Variants in ATP13A5 observed in about 807,000 individuals in gnomAD.
ATP13A5 encodes ATPase 13A5.
ATP13A5 carries 149 observed loss-of-function variants against 150.2 expected under a neutral mutation model. The observed-to-expected ratio is 0.99, with a 90% CI of 0.87 to 1.14. The LOEUF is 1.14. Among genes scored for constraint, ATP13A5 ranks in the 50% most tolerant of loss-of-function variants. The pLI, the probability that ATP13A5 is intolerant of heterozygous loss-of-function variation, is 0.00. For missense variants in ATP13A5, 1,383 were observed against 1,449.3 expected (o/e 0.95, Z 0.74); for synonymous variants, 497 against 522.2 (o/e 0.95, Z 0.66).
In ATP13A5 at chr3:193,363,291, A is replaced by G; in HGVS notation, c.329T>C (p.Leu110Pro). ...FPVSKKWEESLVADRHSVINQ... is the reference protein window; with the variant it reads ...FPVSKKWEESPVADRHSVINQ... ...TATGACAGAGTGGCGGTCAGCCACC[A>G]GGGATTCTTCCCACTTCTTGCTTAC... The change falls in exon 3 of 30, where the codon CTG becomes CCG. Residue 110 changes from leucine to proline, a missense_variant. Transcript: ENST00000342358. The G allele has an allele frequency of 6.2e-7, 1 of 1,614,002 alleles. No homozygotes were observed. The highest frequency in any genetic ancestry group is 1.1e-5 in the South Asian group (1 of 91,074).
chr3:193,318,988 T>C lies in ATP13A5; in HGVS notation c.2033+3A>G, dbSNP rs1200949124. 3 of 1,609,514 alleles carry C rather than the reference T, an allele frequency of 1.9e-6. No homozygotes were observed. The highest frequency in any genetic ancestry group is 2.6e-6 in the Non-Finnish European group (3 of 1,175,928). On this transcript the variant is annotated splice_donor_region_variant and intron_variant, in intron 17 of 29. Transcript: ENST00000342358. The stretch of plus-strand genomic sequence containing the variant: ...CTCTAGTGCCAATTTCTGAATTGCT[T>C]ACCTGGCTAAGTGCTCGACTTCTGA...
chr3:193,324,156 A>G (rs1286860012), intron 14 of ATP13A5: 1 of 152,078 alleles, frequency 6.6e-6, no homozygotes, highest in Non-Finnish European at 1.5e-5. Flanking sequence ...AGAGTGGTGA[A>G]ATGCAGAGGG....
chr3:193,284,391 AG>A (rs888950775), intron 27 of ATP13A5, among the ~76,000 whole-genome samples: 59 of 152,260 alleles, frequency 3.9e-4, no homozygotes, highest in African/African-American at 1.4e-3. Context: ...ATTAATACAC[AG>A]GGAAAGTAAG....
intron 23 of ATP13A5, among the ~76,000 whole-genome samples, chr3:193,304,632 T>C (rs926947677): frequency 6.6e-6 from 1 of 152,224 alleles, no homozygotes; most frequent in Non-Finnish European, 1.5e-5. Context: ...TAAAACTGGG[T>C]GTTTTGTTCT....
At chr3:193,375,219 G>A (rs915972307) in intron 1 of ATP13A5, among the ~76,000 whole-genome samples, 23 of 152,144 alleles carry the variant, frequency 1.5e-4, no homozygotes, top group Admixed American at 1.4e-3. Flanking sequence ...CAGAAGATAT[G>A]TTTAGAAAAG....
At position 193,362,813 on chromosome 3, in the gene ATP13A5, C is replaced by CTTTCTTTCTTTCTTTG. The variant is rs59105884; in HGVS notation, c.385-177_385-176insCAAAGAAAGAAAGAAA. ...TCTTTCTTTCTTTCTTTCTTTCTTTCAGACAGGGTCTCACTCTGTCACCCA... is the reference window on the plus strand; with the variant it reads ...TCTTTCTTTCTTTCTTTCTTTCTTTCTTTCTTTCTTTCTTTGAGACAGGGTCTCACTCTGTCACCCA... On this transcript the variant is annotated intron_variant, in intron 3 of 29. Coordinates refer to ENST00000342358, the MANE Select transcript of ATP13A5 (RefSeq NM_198505.4). Among the ~76,000 whole-genome samples, 307 of 112,066 alleles carry CTTTCTTTCTTTCTTTG rather than the reference C, an allele frequency of 2.7e-3. 49 individuals carry two copies. The highest frequency in any genetic ancestry group is 8.3e-3 in the African/African-American group (255 of 30,808). 73.5% of individuals were successfully genotyped at this position (112,066 alleles called of 152,430 possible). A position where few individuals can be genotyped will look rare whatever the true frequency, so the allele number is the denominator to read the frequency against.
intron 27 of ATP13A5, among the ~76,000 whole-genome samples, chr3:193,283,578 GT>G (rs558053896): frequency 1.4e-3 from 208 of 152,182 alleles, no homozygotes; most frequent in Non-Finnish European, 2.1e-3. Context: ...CACAAATTTT[GT>G]TTTTTAACTA....
intron 1 of ATP13A5, among the ~76,000 whole-genome samples, chr3:193,377,441 A>G (rs769119374): frequency 1.3e-5 from 2 of 152,232 alleles, no homozygotes; most frequent in Admixed American, 6.5e-5. Flanking sequence ...CAATGTGTAA[A>G]CAATATAAAA....
At chr3:193,362,791 T>TTCTC (rs1360581870) in intron 3 of ATP13A5, among the ~76,000 whole-genome samples, 154 bp from the exon 4 acceptor site, 16 of 76,288 alleles carry the variant, frequency 2.1e-4, no homozygotes, top group African/African-American at 6.5e-4. Context: ...CTTTCTTTCT[T>TTCTC]TCTTTCTTTC....
chr3:193,314,189 A>G lies in ATP13A5; in HGVS notation c.2163T>C (p.Asp721=). 1 of 1,613,646 alleles carries G rather than the reference A, an allele frequency of 6.2e-7. No homozygotes were observed. The highest frequency in any genetic ancestry group is 1.3e-5 in the African/African-American group (1 of 75,036). Residue 721 remains aspartate (D), a synonymous_variant, in exon 19 of 30, where the codon GAT becomes GAC. Transcript: ENST00000342358. ...CAACAGTAATGGCCGTTTGAAGGTT[A>G]TCACCTAGAAGACAAAGAAACTTTG... ...ARIRTVMITG[D]NLQTAITVAK... is the part of the protein sequence containing the mutation.
Position 193,319,018 on chromosome 3 carries a change from T to G in ATP13A5, c.2006A>C (p.Asn669Thr). ...ALAHKTLKMG[N>T]LSEVEHLARE... is the part of the protein sequence containing the mutation. ...GGCTAAGTGCTCGACTTCTGAAAGATTCCCCATCTTTAAGGTTTTGTGGGC... is the reference window on the plus strand; with the variant it reads ...GGCTAAGTGCTCGACTTCTGAAAGAGTCCCCATCTTTAAGGTTTTGTGGGC... Residue 669 changes from asparagine to threonine, a missense_variant, in exon 17 of 30, where the codon AAT becomes ACT. Coordinates refer to ENST00000342358, the MANE Select transcript of ATP13A5 (RefSeq NM_198505.4). 1 of 1,613,894 alleles carries G rather than the reference T, an allele frequency of 6.2e-7. No individual in the cohort carries two copies. Among genetic ancestry groups the G allele is most frequent in the Non-Finnish European group, 8.5e-7 (1 of 1,179,804 alleles).
At chr3:193,357,214 T>A (rs1030544595) in intron 5 of ATP13A5, among the ~76,000 whole-genome samples, 4 of 151,938 alleles carry the variant, frequency 2.6e-5, no homozygotes, top group Admixed American at 6.6e-5. Flanking sequence ...ATTAATGAGG[T>A]TCAAGGCAGT....
intron 25 of ATP13A5, among the ~76,000 whole-genome samples, chr3:193,296,893 T>G (rs1262832092): frequency 6.6e-6 from 1 of 151,994 alleles, no homozygotes; most frequent in Non-Finnish European, 1.5e-5. Context: ...ATATTCTCAC[T>G]TATAAGTGGA....
At position 193,290,010 on chromosome 3, in the gene ATP13A5, TC is replaced by T. The variant is rs1271842055; in HGVS notation, c.2897del (p.Gly966AspfsTer14). ...GCAGTAAAGGGGGAGAAAGGAGCTG[TC>T]CTGCTGGTCTATATGGAGCCAGCTT... ...YPKLAPYRPA[G>X]QLLSPPLLLS... is the part of the protein sequence containing the mutation. On this transcript the variant is annotated frameshift_variant, in exon 26 of 30. Coordinates refer to ENST00000342358, the MANE Select transcript of ATP13A5 (RefSeq NM_198505.4). LOFTEE classifies it high-confidence loss of function. 6 of 1,612,792 alleles carry T rather than the reference TC, an allele frequency of 3.7e-6. No individual in the cohort carries two copies. The highest frequency in any genetic ancestry group is 5.1e-6 in the Non-Finnish European group (6 of 1,179,200).
chr3:193,299,252 C>T, intron 24 of ATP13A5, 49 bp from the exon 25 acceptor site: 1 of 1,434,778 alleles, frequency 7.0e-7, no homozygotes, highest in Non-Finnish European at 9.7e-7. Context: ...GCCATCATAG[C>T]CTATTTATTA....
Position 193,362,813 on chromosome 3 carries a change from C to CTTTCTTTCTTTCTTTCTTTCTTTG in ATP13A5, c.385-177_385-176insCAAAGAAAGAAAGAAAGAAAGAAA, listed in dbSNP as rs59105884. 2.6e-3 allele frequency among the ~76,000 whole-genome samples: 288 copies of CTTTCTTTCTTTCTTTCTTTCTTTG among 112,072 alleles called. 52 individuals are homozygous for CTTTCTTTCTTTCTTTCTTTCTTTG. Among genetic ancestry groups the CTTTCTTTCTTTCTTTCTTTCTTTG allele is most frequent in the African/African-American group, 8.9e-3 (275 of 30,812 alleles). 73.5% of individuals were successfully genotyped at this position (112,072 alleles called of 152,430 possible). ...TCTTTCTTTCTTTCTTTCTTTCTTT[C>CTTTCTTTCTTTCTTTCTTTCTTTG]AGACAGGGTCTCACTCTGTCACCCA... is the stretch of plus-strand genomic sequence containing the variant. On this transcript the variant is annotated intron_variant, in intron 3 of 29. Transcript: ENST00000342358.
At chr3:193,374,535 T>C (rs540063694) in intron 1 of ATP13A5, among the ~76,000 whole-genome samples, 4 of 151,994 alleles carry the variant, frequency 2.6e-5, no homozygotes, top group Admixed American at 6.6e-5. Context: ...GTCCCAGCTA[T>C]ATGGGAGGCT....
At chr3:193,344,864 G>T in intron 8 of ATP13A5, 139 bp downstream of exon 8, 1 of 795,950 alleles carries the variant, frequency 1.3e-6, no homozygotes, top group Non-Finnish European at 2.1e-6. Flanking sequence ...ATCTTAGAGG[G>T]CTTCTTTGCC....
chr3:193,341,707 AC>A (rs1712136890), intron 9 of ATP13A5, among the ~76,000 whole-genome samples: 2 of 152,194 alleles, frequency 1.3e-5, no homozygotes, highest in Admixed American at 6.5e-5. Flanking sequence ...GATGGGGACA[AC>A]TGTCTGACTC....
Sources: allele counts gnomAD v4.1 joint callset (sites outside exome capture counted in the v4.1 genomes callset), GRCh38; gene constraint gnomAD v4.1.1; transcripts MANE v1.5; gene names NCBI Gene and HGNC (gene_info 2026-07-23, HGNC 2026-07-21).